Variants in PDE11A observed in about 807,000 individuals in gnomAD.
PDE11A encodes dual 3',5'-cyclic-AMP and -GMP phosphodiesterase 11A.
Under a neutral mutation model 100.5 loss-of-function variants are expected in PDE11A, and 100 were observed. The observed-to-expected ratio is 1.00, with a 90% CI of 0.85 to 1.18. PDE11A has a LOEUF of 1.18. Ranked by LOEUF, PDE11A falls within the 50% of genes most tolerant of loss-of-function variation. PDE11A has a pLI of 0.00. For missense variants in PDE11A, 1,141 were observed against 1,152.6 expected (o/e 0.99, Z 0.15); for synonymous variants, 381 against 420.8 (o/e 0.91, Z 1.16).
Position 177,926,109 on chromosome 2 carries a change from T to C in PDE11A, c.1072-20922A>G, listed in dbSNP as rs142672531. 7.2e-3 allele frequency among the ~76,000 whole-genome samples: 1,100 copies of C among 152,342 alleles called. 12 individuals carry two copies. Among genetic ancestry groups the C allele is most frequent in the African/African-American group, 0.026 (1,061 of 41,568 alleles). On this transcript the variant is annotated intron_variant, in intron 2 of 19. Coordinates refer to ENST00000286063, the MANE Select transcript of PDE11A (RefSeq NM_016953.4). ...CAAAACAAATAAACAATTCCTGTCA[T>C]TGGAAGCATTATTTGTGTAAATTCC...
intron 4 of PDE11A, among the ~76,000 whole-genome samples, chr2:177,893,653 A>T (rs555994317): frequency 3.3e-5 from 5 of 152,192 alleles, no homozygotes; most frequent in South Asian, 2.1e-4. Context: ...GTTATAACAC[A>T]TCTAAAAATG....
rs2082742325 is a variant in PDE11A at position 177,798,772 on chromosome 2, G to C, written c.1737+18057C>G. On this transcript the variant is annotated intron_variant, in intron 9 of 19. Coordinates refer to ENST00000286063, the MANE Select transcript of PDE11A (RefSeq NM_016953.4). ...AATAAACACATAAACAGAGAGAAGA[G>C]ACAAATATCCCATACAAAAGAATTC... Among the ~76,000 whole-genome samples, 5 of 152,048 alleles carry C rather than the reference G, an allele frequency of 3.3e-5. No homozygotes were observed. The South Asian group carries it at 8.3e-4, about 25-fold the overall frequency.
chr2:177,793,587 A>G (rs1034505613), intron 9 of PDE11A, among the ~76,000 whole-genome samples: 3 of 150,892 alleles, frequency 2.0e-5, no homozygotes, highest in African/African-American at 7.3e-5. Context: ...GGAAAGGACC[A>G]GAGCCACAGA....
intron 6 of PDE11A, among the ~76,000 whole-genome samples, chr2:177,821,446 G>T (rs576820043): frequency 6.6e-6 from 1 of 151,448 alleles, no homozygotes; most frequent in African/African-American, 2.4e-5. Context: ...CTAAATTCTT[G>T]TACATACTTA....
At chr2:177,645,064 T>G (rs1436592722) in intron 19 of PDE11A, among the ~76,000 whole-genome samples, 2 of 152,242 alleles carry the variant, frequency 1.3e-5, no homozygotes, top group Non-Finnish European at 2.9e-5. Flanking sequence ...GAAAACGGAC[T>G]AATACAAATA....
intron 3 of PDE11A, chr2:177,899,684 TA>T (rs2084668357): frequency 5.2e-6 from 1 of 190,714 alleles, no homozygotes; most frequent in South Asian, 1.4e-4. Context: ...TTGCTAAATA[TA>T]AATACATAAA....
intron 6 of PDE11A, among the ~76,000 whole-genome samples, chr2:177,836,103 C>T (rs760295854): frequency 3.9e-5 from 6 of 152,236 alleles, no homozygotes; most frequent in Admixed American, 6.5e-5. Context: ...GGCCCCAGTG[C>T]GGGATCCACT....
At chr2:177,739,324 T>C (rs1340298757) in intron 10 of PDE11A, among the ~76,000 whole-genome samples, 1 of 152,216 alleles carries the variant, frequency 6.6e-6, no homozygotes, top group Non-Finnish European at 1.5e-5. Flanking sequence ...TAGTAGCTAA[T>C]GGCAATAGTA....
chr2:177,883,658 T>C (rs138998400), intron 4 of PDE11A, among the ~76,000 whole-genome samples: 19 of 152,142 alleles, frequency 1.2e-4, no homozygotes, highest in African/African-American at 4.3e-4. Flanking sequence ...TGGGAGAAAA[T>C]AGAGAACTCT....
intron 9 of PDE11A, among the ~76,000 whole-genome samples, chr2:177,798,367 G>T (rs1170964583): frequency 6.6e-6 from 1 of 152,128 alleles, no homozygotes; most frequent in African/African-American, 2.4e-5. Context: ...TTGTACTACA[G>T]CTTATGAAAT....
chr2:177,756,280 G>C (rs2082089814), intron 10 of PDE11A, among the ~76,000 whole-genome samples: 1 of 152,138 alleles, frequency 6.6e-6, no homozygotes, highest in African/African-American at 2.4e-5. Context: ...CAGAGAACCG[G>C]AGTAAAGCTG....
chr2:177,783,233 G>C (rs367768445), intron 9 of PDE11A, among the ~76,000 whole-genome samples: 3 of 152,086 alleles, frequency 2.0e-5, no homozygotes, highest in East Asian at 3.9e-4. Flanking sequence ...ACAATATCAA[G>C]AGGGCTTGTC....
chr2:177,649,376 ATAAT>A lies in PDE11A; in HGVS notation c.2646+14486_2646+14489del, dbSNP rs1260086030. Among the ~76,000 whole-genome samples the A allele has an allele frequency of 4.6e-5, 7 of 152,226 alleles. No individual in the cohort carries two copies. The East Asian group carries it at 5.8e-4, about 13-fold the overall frequency. On this transcript the variant is annotated intron_variant, in intron 19 of 19. Coordinates refer to ENST00000286063, the MANE Select transcript of PDE11A (RefSeq NM_016953.4). ...ACACAACATCAATGTCCATAAATAA[ATAAT>A]TAATTGTTGTTTAAATAATTTATTT...
chr2:177,737,314 C>T (rs187254009), intron 10 of PDE11A, among the ~76,000 whole-genome samples: 1 of 151,568 alleles, frequency 6.6e-6, no homozygotes, highest in South Asian at 2.1e-4. Context: ...TGCGGTGGCT[C>T]ACACCTGTAA....
chr2:177,800,804 C>G (rs543525047), intron 9 of PDE11A, among the ~76,000 whole-genome samples: 1 of 152,146 alleles, frequency 6.6e-6, no homozygotes, highest in African/African-American at 2.4e-5. Context: ...TGCTGAGAAT[C>G]AGCCTAGTAA....
intron 19 of PDE11A, among the ~76,000 whole-genome samples, chr2:177,639,826 A>G (rs549622302): frequency 6.6e-6 from 1 of 152,212 alleles, no homozygotes; most frequent in Non-Finnish European, 1.5e-5. Context: ...GAGAGAAGTC[A>G]TGCTCTTAGA....
chr2:177,748,599 T>G (rs866858115), intron 10 of PDE11A, among the ~76,000 whole-genome samples: 1 of 151,950 alleles, frequency 6.6e-6, no homozygotes, highest in Non-Finnish European at 1.5e-5. Flanking sequence ...TCTTATCTAG[T>G]GTTGTGGGAT....
chr2:178,002,715 T>C (rs2086160286), intron 2 of PDE11A, among the ~76,000 whole-genome samples: 1 of 152,166 alleles, frequency 6.6e-6, no homozygotes, highest in African/African-American at 2.4e-5. Context: ...GACCAATGGT[T>C]GATTAATTCC....
chr2:177,874,239 T>A (rs2084193602), intron 5 of PDE11A, among the ~76,000 whole-genome samples: 1 of 152,218 alleles, frequency 6.6e-6, no homozygotes, highest in Non-Finnish European at 1.5e-5. Flanking sequence ...TTGATGAACC[T>A]TGGCTTTCTC....
Sources: allele counts gnomAD v4.1 joint callset (sites outside exome capture counted in the v4.1 genomes callset), GRCh38; gene constraint gnomAD v4.1.1; transcripts MANE v1.5; gene names NCBI Gene and HGNC (gene_info 2026-07-23, HGNC 2026-07-21).